Variants in RRM2 observed in about 807,000 individuals in gnomAD.
RRM2 encodes ribonucleoside-diphosphate reductase subunit M2.
Under a neutral mutation model 45.9 loss-of-function variants are expected in RRM2, and 6 were observed. The observed-to-expected ratio is 0.13, with a 90% CI of 0.07 to 0.26. The LOEUF (loss-of-function observed/expected upper bound fraction) is 0.26. Among genes scored for constraint, RRM2 ranks in the 10% least tolerant of loss-of-function variants. The probability of loss-of-function intolerance (pLI) is 1.00; values close to 1 mark genes in which losing one functional copy is unlikely to be tolerated. For synonymous variants in RRM2, 177 were observed against 173.0 expected (o/e 1.02, Z -0.18); for missense variants, 343 against 489.5 (o/e 0.70, Z 2.82).
At chr2:10,161,945 A>G (rs1663568253) in intron 3 of RRM2, among the ~76,000 whole-genome samples, 1 of 152,242 alleles carries the variant, frequency 6.6e-6, no homozygotes, top group Non-Finnish European at 1.5e-5. Context: ...GTCCAGGCAG[A>G]AAACCGGGAG....
intron 3 of RRM2, among the ~76,000 whole-genome samples, chr2:10,167,093 C>T (rs1047465433): frequency 6.6e-6 from 1 of 152,204 alleles, no homozygotes; most frequent in African/African-American, 2.4e-5. Context: ...TGACACCTGT[C>T]AAGAGCCCTG....
chr2:10,187,891 G>A (rs1457875978), intron 3 of RRM2, among the ~76,000 whole-genome samples: 1 of 152,186 alleles, frequency 6.6e-6, no homozygotes, highest in African/African-American at 2.4e-5. Context: ...GGTTCTCAAA[G>A]TGTGGTCCCT....
At chr2:10,137,490 G>A (rs1000603072), upstream of RRM2, among the ~76,000 whole-genome samples, 6 of 152,240 alleles carry the variant, frequency 3.9e-5, no homozygotes, top group African/African-American at 1.4e-4. Context: ...GGGGCAAAGG[G>A]TGGGATCCTG....
At chr2:10,126,162 TAAAAAAAAAA>T (rs532815964) in intron 5 of RRM2, among the ~76,000 whole-genome samples, 10 of 89,356 alleles carry the variant, frequency 1.1e-4, no homozygotes, top group Admixed American at 2.9e-4. Context: ...CTCATCTCTT[TAAAAAAAAAA>T]AAAAAAAAAA....
At chr2:10,160,307 C>G (rs1483041974) in intron 3 of RRM2, among the ~76,000 whole-genome samples, 1 of 152,218 alleles carries the variant, frequency 6.6e-6, no homozygotes, top group Non-Finnish European at 1.5e-5. Context: ...CACTCCCTGA[C>G]AAGATGTGGG....
chr2:10,148,263 A>G (rs1663233642), intron 3 of RRM2, among the ~76,000 whole-genome samples: 2 of 132,496 alleles, frequency 1.5e-5, no homozygotes, highest in Non-Finnish European at 3.2e-5. Context: ...TTATATTTAT[A>G]TATGTCCTTA....
chr2:10,147,898 A>C (rs1663223073), intron 3 of RRM2, among the ~76,000 whole-genome samples: 1 of 152,100 alleles, frequency 6.6e-6, no homozygotes, highest in Non-Finnish European at 1.5e-5. Flanking sequence ...TAATCCCAGC[A>C]CTTTGGGAGG....
Position 10,195,962 on chromosome 2 carries a change from GTGCAGC to G in RRM2, n.483-14342_483-14337del, listed in dbSNP as rs1664406666. Among the ~76,000 whole-genome samples, 1 of 152,194 alleles carries G rather than the reference GTGCAGC, an allele frequency of 6.6e-6. No homozygotes were observed. Among genetic ancestry groups the G allele is most frequent in the Non-Finnish European group, 1.5e-5 (1 of 68,030 alleles). ...ACAGTCATGCTAGAAATGGTGCCTGGTGCAGCTGCAGCCGTCTTGCTACCAGCAGGG... is the reference window on the plus strand; with the variant it reads ...ACAGTCATGCTAGAAATGGTGCCTGGTGCAGCCGTCTTGCTACCAGCAGGG... On this transcript the variant is annotated intron_variant and non_coding_transcript_variant, in intron 3 of 3. Transcript: ENST00000381786. The surrounding 1 kb of genome is among the most constrained non-coding windows in gnomAD (Gnocchi z 4.9).
chr2:10,127,082 A>C lies in RRM2; in HGVS notation c.665-5A>C, dbSNP rs1332428227. ...AGAATCATGTTGGTGTTAACTCCTA[A>C]ATAGGTGAACGTGTTGTAGCCTTTG... On this transcript the variant is annotated splice_polypyrimidine_tract_variant and splice_region_variant and intron_variant, in intron 6 of 9. Transcript: ENST00000304567. This position sits in a 1 kb window ranked among gnomAD's most constrained non-coding sequence, Gnocchi z 4.1. The C allele has an allele frequency of 6.2e-7, 1 of 1,613,996 alleles. No individual in the cohort carries two copies. Among genetic ancestry groups the C allele is most frequent in the Non-Finnish European group, 8.5e-7 (1 of 1,179,972 alleles).
intron 3 of RRM2, among the ~76,000 whole-genome samples, chr2:10,200,498 CACAAAATAT>C (rs1664535220): frequency 2.6e-5 from 1 of 39,194 alleles, no homozygotes; most frequent in African/African-American, 1.1e-4. Flanking sequence ...GCACCGCGCA[CACAAAATAT>C]GAGGCCCACA....
At chr2:10,182,096 C>G (rs778434287) in intron 3 of RRM2, among the ~76,000 whole-genome samples, 7 of 151,982 alleles carry the variant, frequency 4.6e-5, no homozygotes, top group African/African-American at 7.3e-5. Flanking sequence ...TGACATTGAG[C>G]AAATCATTTT....
upstream of RRM2, among the ~76,000 whole-genome samples, chr2:10,139,231 C>T (rs1197594519): frequency 6.6e-6 from 1 of 152,206 alleles, no homozygotes; most frequent in Non-Finnish European, 1.5e-5. Context: ...CCCTGTCTCC[C>T]GTCTGCCGCC....
chr2:10,173,525 C>T (rs1251099640), intron 3 of RRM2, among the ~76,000 whole-genome samples: 2 of 152,192 alleles, frequency 1.3e-5, no homozygotes, highest in Non-Finnish European at 2.9e-5. Context: ...GAGGCCCAGC[C>T]CAATGCAGGC....
intron 3 of RRM2, among the ~76,000 whole-genome samples, chr2:10,187,088 C>T (rs1170724331): frequency 1.3e-5 from 2 of 152,208 alleles, no homozygotes; most frequent in African/African-American, 4.8e-5. Context: ...CTGGTCCTTG[C>T]CAGCGCTGCA....
chr2:10,208,052 TGTATAAATGAATA>T (rs1421176279), intron 3 of RRM2, among the ~76,000 whole-genome samples: 1 of 152,192 alleles, frequency 6.6e-6, no homozygotes, highest in African/African-American at 2.4e-5. Context: ...TTTTTGTTCT[TGTATAAATGAATA>T]GTAAGTAAGA....
chr2:10,170,923 T>C (rs1322866596), intron 3 of RRM2, among the ~76,000 whole-genome samples: 2 of 152,206 alleles, frequency 1.3e-5, no homozygotes, highest in Admixed American at 6.5e-5. Context: ...AGTGACGTCC[T>C]TTAAAAGGAG....
In RRM2 at chr2:10,169,210, G is replaced by C. The variant is rs189353558; in HGVS notation, n.482+26835G>C. 6.8e-6 allele frequency among the ~76,000 whole-genome samples: 1 copy of C among 148,038 alleles called. No homozygotes were observed. The highest frequency in any genetic ancestry group is 2.5e-5 in the African/African-American group (1 of 40,088). ...TTGCCCAGGCTAGTTTTGAACTCCC[G>C]GGCTCAATCCTCCTGCCTCAGCCTC... On this transcript the variant is annotated intron_variant and non_coding_transcript_variant, in intron 3 of 3. Transcript: ENST00000381786. The surrounding 1 kb of genome is among the most constrained non-coding windows in gnomAD (Gnocchi z 5.1).
At position 10,169,394 on chromosome 2, in the gene RRM2, G is replaced by C. The variant is rs1320413964; in HGVS notation, n.482+27019G>C. The stretch of plus-strand genomic sequence containing the variant: ...GTCCAGAATTGCTCTGAAAGACAAA[G>C]ACTGTCTTTGTTCTAGAAAAGTGCT... On this transcript the variant is annotated intron_variant and non_coding_transcript_variant, in intron 3 of 3. Coordinates refer to the RRM2 transcript ENST00000381786. The surrounding 1 kb of genome is among the most constrained non-coding windows in gnomAD (Gnocchi z 5.1). Among the ~76,000 whole-genome samples, 1 of 152,188 alleles carries C rather than the reference G, an allele frequency of 6.6e-6. No individual in the cohort carries two copies. The highest frequency in any genetic ancestry group is 1.5e-5 in the Non-Finnish European group (1 of 68,040).
At chr2:10,123,097 T>C (rs1183309618) in intron 2 of RRM2, 40 bp downstream of exon 2, 3 of 1,515,592 alleles carry the variant, frequency 2.0e-6, no homozygotes, top group Admixed American at 4.1e-5. Flanking sequence ...AGGGACGGCC[T>C]TGGGCGTCTT....
Sources: allele counts gnomAD v4.1 joint callset (sites outside exome capture counted in the v4.1 genomes callset), GRCh38; gene constraint gnomAD v4.1.1; non-coding constraint Gnocchi (gnomAD v3.1); transcripts MANE v1.5; gene names NCBI Gene and HGNC (gene_info 2026-07-23, HGNC 2026-07-21).